Variants in ELF2 observed in about 807,000 individuals in gnomAD.
ELF2 encodes the protein ETS-related transcription factor Elf-2.
ELF2 carries 11 observed loss-of-function variants against 54.8 expected under a neutral mutation model. That is an observed-to-expected ratio of 0.20 (90% CI 0.13 to 0.33). The LOEUF (loss-of-function observed/expected upper bound fraction) is 0.33, where lower values mean the gene tolerates loss of function less well. ELF2 is among the 10% of genes least tolerant of loss of function. ELF2 has a pLI of 1.00. For synonymous variants in ELF2, 203 were observed against 245.1 expected, an observed-to-expected ratio of 0.83 and a Z score of 1.61; for missense variants, 513 against 703.0, an observed-to-expected ratio of 0.73 and a Z score of 3.06.
intron 4 of ELF2, among the ~76,000 whole-genome samples, chr4:139,114,562 CACACA>C (rs1251346043): frequency 0.048 from 483 of 10,152 alleles, 3 homozygotes; most frequent in African/African-American, 0.14. Flanking sequence ...ACTTCAGTCT[CACACA>C]CACACACACA....
At chr4:139,062,210 G>A (rs1379892561) in intron 7 of ELF2, 153 bp from the exon 8 acceptor site, 9 of 744,578 alleles carry the variant, frequency 1.2e-5, no homozygotes, top group African/African-American at 5.4e-5. Context: ...TTGCTCTGTC[G>A]CCCAGGCTGG....
chr4:139,151,032 A>AAAAAAG (rs1301387000), intron 1 of ELF2, among the ~76,000 whole-genome samples: 3 of 102,510 alleles, frequency 2.9e-5, no homozygotes, highest in East Asian at 5.0e-4. Flanking sequence ...TCAAAAAAAA[A>AAAAAAG]AAAGAAAGAA....
chr4:139,071,490 A>G (rs1729504035), intron 6 of ELF2, among the ~76,000 whole-genome samples: 1 of 151,968 alleles, frequency 6.6e-6, no homozygotes, highest in African/African-American at 2.4e-5. Context: ...AGACTTTGTA[A>G]AATAAAGAAT....
intron 1 of ELF2, among the ~76,000 whole-genome samples, chr4:139,144,707 C>T (rs11729731): frequency 0.18 from 27,930 of 152,102 alleles, 2,754 homozygotes; most frequent in South Asian, 0.32. Flanking sequence ...ATGAGACTTA[C>T]TCCCACCTGC....
intron 4 of ELF2, among the ~76,000 whole-genome samples, chr4:139,096,437 G>A (rs1409066287): frequency 6.6e-6 from 1 of 151,870 alleles, no homozygotes; most frequent in Non-Finnish European, 1.5e-5. Flanking sequence ...ATTTGTCTGG[G>A]CTTTCTATTT....
chr4:139,160,371 A>T (rs971058302), intron 1 of ELF2, among the ~76,000 whole-genome samples: 13 of 152,218 alleles, frequency 8.5e-5, no homozygotes, highest in African/African-American at 3.1e-4. Context: ...TCTCAGAGTC[A>T]TGTGTAAAAA....
chr4:139,176,488 T>C (rs1207732921), intron 1 of ELF2, among the ~76,000 whole-genome samples: 2 of 143,592 alleles, frequency 1.4e-5, no homozygotes, highest in Non-Finnish European at 3.0e-5. Context: ...GGCCGCAGAC[T>C]CCCGCCCTAC....
At chr4:139,134,595 T>G (rs920589549) in intron 3 of ELF2, among the ~76,000 whole-genome samples, 1 of 137,684 alleles carries the variant, frequency 7.3e-6, no homozygotes, top group Admixed American at 7.0e-5. Flanking sequence ...TTTATTTTAT[T>G]TTATTTTATT....
At chr4:139,099,780 G>A (rs1456366479) in intron 4 of ELF2, among the ~76,000 whole-genome samples, 1 of 152,188 alleles carries the variant, frequency 6.6e-6, no homozygotes, top group African/African-American at 2.4e-5. Context: ...TGCATGACAA[G>A]TTGTAGGTGC....
chr4:139,106,338 A>C (rs1210320131), intron 4 of ELF2, among the ~76,000 whole-genome samples: 1 of 147,792 alleles, frequency 6.8e-6, no homozygotes, highest in African/African-American at 2.7e-5. Context: ...GGATTATTAG[A>C]GAAAAGAGAA....
chr4:139,127,033 T>C (rs1174714926), intron 3 of ELF2, among the ~76,000 whole-genome samples: 1 of 152,220 alleles, frequency 6.6e-6, no homozygotes, highest in Non-Finnish European at 1.5e-5. Context: ...CTGTCATTAC[T>C]ACGATAACCA....
intron 4 of ELF2, among the ~76,000 whole-genome samples, chr4:139,123,192 A>C (rs1437882776): frequency 1.3e-5 from 2 of 152,062 alleles, no homozygotes; most frequent in Admixed American, 6.6e-5. Context: ...CAAAAAAAAA[A>C]AAAAAATCCG....
At chr4:139,098,286 T>A (rs1030199167) in intron 4 of ELF2, among the ~76,000 whole-genome samples, 2 of 152,164 alleles carry the variant, frequency 1.3e-5, no homozygotes, top group Non-Finnish European at 2.9e-5. Context: ...AAGTGGTATT[T>A]CAAGGCTGTG....
chr4:139,151,035 AGAAAGAAAGAAAGAAAG>A (rs1189461773), intron 1 of ELF2, among the ~76,000 whole-genome samples: 3 of 42,526 alleles, frequency 7.1e-5, no homozygotes, highest in African/African-American at 1.7e-4. Context: ...AAAAAAAAAA[AGAAAGAAAGAAAGAAAG>A]AAAGAAAGAA....
intron 4 of ELF2, among the ~76,000 whole-genome samples, chr4:139,120,488 C>T (rs754512703): frequency 7.2e-5 from 11 of 152,108 alleles, no homozygotes; most frequent in Non-Finnish European, 1.3e-4. Context: ...CGGGCTGGAG[C>T]GCAGTGGTAC....
At chr4:139,159,763 A>C (rs1578959530) in intron 1 of ELF2, among the ~76,000 whole-genome samples, 1 of 151,960 alleles carries the variant, frequency 6.6e-6, no homozygotes. Flanking sequence ...GCAGTGAATG[A>C]CTCCAGCTTC....
chr4:139,077,161 A>C (rs533589582), intron 4 of ELF2, among the ~76,000 whole-genome samples: 1 of 152,306 alleles, frequency 6.6e-6, no homozygotes, highest in East Asian at 1.9e-4. Flanking sequence ...CAAAATGCTT[A>C]GGACCAGAAG....
At position 139,134,348 on chromosome 4, in the gene ELF2, T is replaced by G. The variant is rs181265780; in HGVS notation, c.72+3282A>C. The stretch of plus-strand genomic sequence containing the variant: ...ATACACTGCTAGATTTGACTGTTAG[T>G]TTTTTGGTTTTGCTTTTTTGTGTTT... On this transcript the variant is annotated intron_variant, in intron 3 of 9. Coordinates refer to ENST00000686138, the MANE Select transcript of ELF2 (RefSeq NM_001331036.3). Among the ~76,000 whole-genome samples, 962 of 151,978 alleles carry G rather than the reference T, an allele frequency of 6.3e-3. 7 individuals are homozygous for G. The highest frequency in any genetic ancestry group is 0.03 in the South Asian group (143 of 4,808).
At chr4:139,071,091 G>C (rs775372830) in intron 6 of ELF2, among the ~76,000 whole-genome samples, 2 of 152,058 alleles carry the variant, frequency 1.3e-5, no homozygotes, top group South Asian at 2.1e-4. Context: ...GTAGTGGGAT[G>C]GGGGGAGCAG....
Sources: allele counts gnomAD v4.1 joint callset (sites outside exome capture counted in the v4.1 genomes callset), GRCh38; gene constraint gnomAD v4.1.1; transcripts MANE v1.5; gene names NCBI Gene and HGNC (gene_info 2026-07-23, HGNC 2026-07-21).